Variants in SP100 observed in about 807,000 individuals in gnomAD.
SP100 encodes the protein SP100 nuclear body protein, also known as nuclear autoantigen Sp-100.
In SP100, 84 loss-of-function variants were observed where a neutral mutation model predicts 130.0. The ratio of observed to expected loss-of-function variants is 0.65; its 90% CI spans 0.54 to 0.77. The LOEUF is 0.77. Ranked by LOEUF, SP100 falls within the 30% of genes least tolerant of loss-of-function variation. SP100 has a pLI of 0.00. For missense variants in SP100, 978 were observed against 1,052.2 expected (o/e 0.93, Z 0.97); for synonymous variants, 331 against 351.7 (o/e 0.94, Z 0.66).
At position 230,541,966 on chromosome 2, in the gene SP100, G is replaced by A. The variant is rs201681589; in HGVS notation, c.2478G>A (p.Met826Ile). ...NKVKTSLNEQ[M>I]YTRVEGFVQD... ...TCAAGACAAGTTTGAATGAGCAGAT[G>A]TACACCCGAGTAGAAGGGTTTGTGC... Residue 826 changes from methionine (M) to isoleucine (I), a missense_variant, in exon 28 of 29, where the codon ATG becomes ATA. Transcript: ENST00000340126. The A allele has an allele frequency of 3.0e-5, 48 of 1,613,908 alleles. No homozygotes were observed. Among genetic ancestry groups the A allele is most frequent in the African/African-American group, 5.3e-5 (4 of 74,902 alleles).
At chr2:230,531,054 C>T (rs1055950577) in intron 24 of SP100, among the ~76,000 whole-genome samples, 7 of 152,254 alleles carry the variant, frequency 4.6e-5, no homozygotes, top group South Asian at 4.1e-4. Flanking sequence ...TTTGACCCAG[C>T]GATCCCATTA....
At chr2:230,459,555 T>A (rs1234413912) in intron 8 of SP100, among the ~76,000 whole-genome samples, 2 of 152,236 alleles carry the variant, frequency 1.3e-5, no homozygotes, top group Non-Finnish European at 2.9e-5. Flanking sequence ...TTTAAAGACC[T>A]GAAGAACATC....
intron 24 of SP100, among the ~76,000 whole-genome samples, chr2:230,511,808 C>T (rs1391696036): frequency 1.3e-5 from 2 of 152,108 alleles, no homozygotes; most frequent in Middle Eastern, 3.2e-3. Flanking sequence ...GACTGGTGCT[C>T]AATGATGTAC....
Position 230,503,106 on chromosome 2 carries a change from AAG to A in SP100, c.1764_1765del (p.Gly589SerfsTer7), listed in dbSNP as rs1432251620. 6 of 1,597,196 alleles carry A rather than the reference AAG, an allele frequency of 3.8e-6. No individual in the cohort carries two copies. Among genetic ancestry groups the A allele is most frequent in the Non-Finnish European group, 4.3e-6 (5 of 1,167,238 alleles). On this transcript the variant is annotated frameshift_variant and splice_region_variant, in exon 20 of 29. Coordinates refer to ENST00000340126, the MANE Select transcript of SP100 (RefSeq NM_001080391.2). LOFTEE classifies it high-confidence loss of function. ...NTRPLKRRRK[R>X]GPRIPKDENI... is the part of the protein sequence containing the mutation. ...CTAGACCTTTGAAAAGAAGAAGAAA[AAG>A]AGGTAAATAGAAGTGATCGATATGT...
chr2:230,497,335 T>C (rs115357544), intron 18 of SP100, among the ~76,000 whole-genome samples: 5 of 151,838 alleles, frequency 3.3e-5, no homozygotes, highest in African/African-American at 4.8e-5. Context: ...CTAAGATATT[T>C]ATGGTTGGAC....
intron 4 of SP100, among the ~76,000 whole-genome samples, chr2:230,445,728 T>G (rs2063681230): frequency 1.3e-5 from 2 of 152,194 alleles, no homozygotes; most frequent in African/African-American, 4.8e-5. Flanking sequence ...GCTGCGGGGA[T>G]GAAGGGAATG....
intron 24 of SP100, among the ~76,000 whole-genome samples, chr2:230,534,877 A>G (rs1183579877): frequency 6.6e-6 from 1 of 152,120 alleles, no homozygotes; most frequent in African/African-American, 2.4e-5. Flanking sequence ...CACTATTGTT[A>G]TTTTGCATTG....
chr2:230,444,971 C>T (rs1022645849), intron 4 of SP100, among the ~76,000 whole-genome samples: 12 of 152,182 alleles, frequency 7.9e-5, no homozygotes, highest in African/African-American at 2.9e-4. Flanking sequence ...AAAAAGGCTA[C>T]CTTTATTAGG....
chr2:230,451,117 A>G (rs2063960709), intron 8 of SP100, among the ~76,000 whole-genome samples: 1 of 152,248 alleles, frequency 6.6e-6, no homozygotes, highest in African/African-American at 2.4e-5. Flanking sequence ...CTCTAGGAGC[A>G]TCTGTACTGA....
intron 24 of SP100, among the ~76,000 whole-genome samples, chr2:230,519,599 TAGA>T (rs1388715023): frequency 6.6e-6 from 1 of 151,594 alleles, no homozygotes; most frequent in Non-Finnish European, 1.5e-5. Context: ...GGCATAGGGG[TAGA>T]AGGAGGAGAA....
intron 2 of SP100, among the ~76,000 whole-genome samples, chr2:230,438,433 C>A (rs916065952): frequency 6.6e-6 from 1 of 152,020 alleles, no homozygotes; most frequent in East Asian, 1.9e-4. Flanking sequence ...CCCCTCCCAC[C>A]CTTTCCCCTG....
In SP100 at chr2:230,543,816, T is replaced by C. The variant is rs1214038530; in HGVS notation, c.*870T>C. 2.0e-5 allele frequency: 3 copies of C among 152,132 alleles called. No individual in the cohort carries two copies. The highest frequency in any genetic ancestry group is 4.4e-5 in the Non-Finnish European group (3 of 68,024). The allele number at this position is 152,132 out of a possible 1,614,324, so 9.4% of individuals were successfully genotyped here. A position where few individuals can be genotyped will look rare whatever the true frequency, so the allele number is the denominator to read the frequency against. On this transcript the variant is annotated 3_prime_UTR_variant, in exon 29 of 29. Transcript: ENST00000340126. Reference sequence around the variant, plus strand: ...AGAACTAGATAAAACTATTTTAAAATTCATACAGAACCAAAAAAGAGCCCA... The same window carrying C: ...AGAACTAGATAAAACTATTTTAAAACTCATACAGAACCAAAAAAGAGCCCA...
At chr2:230,461,622 G>A (rs1036559122) in intron 9 of SP100, among the ~76,000 whole-genome samples, 9 of 152,042 alleles carry the variant, frequency 5.9e-5, no homozygotes, top group African/African-American at 2.2e-4. Context: ...AGAAATGGAG[G>A]TAATCAGTAA....
At chr2:230,440,219 A>C (rs2063427219) in intron 2 of SP100, among the ~76,000 whole-genome samples, 1 of 152,128 alleles carries the variant, frequency 6.6e-6, no homozygotes, top group South Asian at 2.1e-4. Flanking sequence ...ACAGTAAGTC[A>C]GTCTATTTGT....
At chr2:230,427,115 C>T (rs1456058719) in intron 2 of SP100, among the ~76,000 whole-genome samples, 1 of 152,036 alleles carries the variant, frequency 6.6e-6, no homozygotes, top group Non-Finnish European at 1.5e-5. Flanking sequence ...TTTTTCATCC[C>T]TTCACCTTCA....
chr2:230,541,842 G>A, intron 27 of SP100, 50 bp from the exon 28 acceptor site: 1 of 1,578,430 alleles, frequency 6.3e-7, no homozygotes, highest in Non-Finnish European at 8.6e-7. Context: ...ATAATAGTGG[G>A]AGTCTATGGC....
At position 230,515,464 on chromosome 2, in the gene SP100, G is replaced by C. The variant is rs779049661; in HGVS notation, c.2094+4298G>C. ...TGACAAGCAGTTTTATGAAAAGAAG[G>C]CTGCAAAGCTGAAGGAAAAATACAA... On this transcript the variant is annotated intron_variant, in intron 24 of 28. Transcript: ENST00000340126. The C allele has an allele frequency of 1.9e-6, 3 of 1,613,658 alleles. No individual in the cohort carries two copies. In the African/African-American group the frequency reaches 4.0e-5, roughly 22 times the overall value.
intron 7 of SP100, 135 bp downstream of exon 7, chr2:230,449,845 C>A: frequency 2.2e-6 from 2 of 912,936 alleles, no homozygotes; most frequent in Non-Finnish European, 3.4e-6. Context: ...ACAGAGGGGG[C>A]CTGTTATACA....
chr2:230,449,323 G>A (rs1206076944), intron 6 of SP100, 173 bp downstream of exon 6: 1 of 810,452 alleles, frequency 1.2e-6, no homozygotes, highest in Non-Finnish European at 2.1e-6. Context: ...GGTTGCCTAG[G>A]AGGGTTTCTT....
Sources: allele counts gnomAD v4.1 joint callset (sites outside exome capture counted in the v4.1 genomes callset), GRCh38; gene constraint gnomAD v4.1.1; transcripts MANE v1.5; gene names NCBI Gene and HGNC (gene_info 2026-07-23, HGNC 2026-07-21).